The following TRMT11 variants were observed in gnomAD, a reference collection of about 807,000 sequenced individuals.
The protein encoded by TRMT11 is tRNA methyltransferase 11.
In TRMT11, 53 loss-of-function variants were observed where a neutral mutation model predicts 62.8. The observed-to-expected ratio is 0.84, with a 90% CI of 0.68 to 1.06. The LOEUF (loss-of-function observed/expected upper bound fraction) is 1.06. Ranked by LOEUF, TRMT11 falls within the 50% of genes least tolerant of loss-of-function variation. TRMT11 has a pLI of 0.00. For missense variants in TRMT11, 556 were observed against 553.4 expected (o/e 1.00, Z -0.05); for synonymous variants, 188 against 190.3 (o/e 0.99, Z 0.10).
rs899836773 is a variant in TRMT11 at position 126,001,617 on chromosome 6, AT to A, written c.679+2012del. On this transcript the variant is annotated intron_variant, in intron 7 of 12. Coordinates refer to ENST00000334379, the MANE Select transcript of TRMT11 (RefSeq NM_001031712.3). The stretch of plus-strand genomic sequence containing the variant: ...ATTACTGGTGGTTTTATTTTATTTT[AT>A]TTTTTTTCTTGCTATTAAGCAATCT... 9.3e-5 allele frequency among the ~76,000 whole-genome samples: 14 copies of A among 150,948 alleles called. No individual in the cohort carries two copies. The East Asian group carries it at 1.2e-3, about 13-fold the overall frequency.
upstream of TRMT11, among the ~76,000 whole-genome samples, chr6:126,175,884 G>T (rs1562341113): frequency 6.6e-6 from 1 of 152,154 alleles, no homozygotes; most frequent in Non-Finnish European, 1.5e-5. Flanking sequence ...CCCTGAAAAT[G>T]ATTTAACTAT....
At position 126,165,895 on chromosome 6, in the gene TRMT11, T is replaced by C. The variant is rs141896286; in HGVS notation, c.*1824-8930T>C. On this transcript the variant is annotated intron_variant and NMD_transcript_variant, in intron 21 of 22. Coordinates refer to the TRMT11 transcript ENST00000648977. ...AGTGTGTTTTCCAAGTTGGTTCCTT[T>C]CTCCCTGTCATTTTGAGGTACATCA... 6.4e-3 allele frequency among the ~76,000 whole-genome samples: 976 copies of C among 152,326 alleles called. 2 individuals carry two copies. The highest frequency in any genetic ancestry group is 0.01 in the Non-Finnish European group (704 of 68,030).
intron 3 of TRMT11, among the ~76,000 whole-genome samples, chr6:125,996,935 G>A (rs1170026712): frequency 6.6e-6 from 1 of 152,036 alleles, no homozygotes; most frequent in Non-Finnish European, 1.5e-5. Context: ...TTACAGTGAA[G>A]GTCGTTAACA....
intron 21 of TRMT11, among the ~76,000 whole-genome samples, chr6:126,170,884 A>G (rs1368295507): frequency 3.3e-5 from 5 of 152,224 alleles, no homozygotes; most frequent in Admixed American, 1.3e-4. Flanking sequence ...TACAAGGCAC[A>G]GTAGAATAAC....
chr6:126,238,310 C>A, the TRMT11 span, among the ~76,000 whole-genome samples: 1 of 152,068 alleles, frequency 6.6e-6, no homozygotes, highest in Non-Finnish European at 1.5e-5. Context: ...GTTAGGGTGT[C>A]AATTTTAGAT....
intron 1 of TRMT11, among the ~76,000 whole-genome samples, chr6:125,991,261 A>T (rs997995555): frequency 4.1e-4 from 62 of 149,630 alleles, no homozygotes; most frequent in Non-Finnish European, 5.8e-4. Flanking sequence ...AAAAAAAAAA[A>T]TTTTTTTTGG....
intron 21 of TRMT11, among the ~76,000 whole-genome samples, chr6:126,164,691 G>A (rs1365458866): frequency 6.6e-6 from 1 of 152,182 alleles, no homozygotes; most frequent in Non-Finnish European, 1.5e-5. Flanking sequence ...AGGATAGTTA[G>A]TTCTTCTTGT....
chr6:126,059,369 T>A (rs1562310370), intron 17 of TRMT11, among the ~76,000 whole-genome samples: 1 of 152,134 alleles, frequency 6.6e-6, no homozygotes, highest in Non-Finnish European at 1.5e-5. Flanking sequence ...TTCAGGGTGA[T>A]CCTCCTTACT....
downstream of TRMT11, among the ~76,000 whole-genome samples, chr6:126,203,919 T>TTGTGTGTGTGTGTGTGTG (rs71680476): frequency 6.9e-6 from 1 of 144,386 alleles, no homozygotes; most frequent in Non-Finnish European, 1.5e-5. Flanking sequence ...GATCATCATT[T>TTGTGTGTGTGTGTGTGTG]TGTGTGTGTG....
chr6:126,028,501 C>T (rs950866627), intron 12 of TRMT11, among the ~76,000 whole-genome samples: 2 of 152,126 alleles, frequency 1.3e-5, no homozygotes, highest in Non-Finnish European at 2.9e-5. Flanking sequence ...TTAAAAAAGA[C>T]TCGGAGAAGC....
the TRMT11 span, among the ~76,000 whole-genome samples, chr6:126,231,394 A>G: frequency 1.5e-4 from 23 of 152,340 alleles, no homozygotes; most frequent in African/African-American, 4.6e-4. Context: ...ACCATGTAGC[A>G]TTTTTAGTAT....
intron 21 of TRMT11, among the ~76,000 whole-genome samples, chr6:126,168,968 A>G (rs1205465189): frequency 6.6e-6 from 1 of 152,238 alleles, no homozygotes; most frequent in Non-Finnish European, 1.5e-5. Context: ...ACGAAAATGC[A>G]GGATCTAAAA....
chr6:126,033,180 A>G (rs946849094), intron 12 of TRMT11, among the ~76,000 whole-genome samples: 7 of 152,300 alleles, frequency 4.6e-5, no homozygotes, highest in Admixed American at 3.3e-4. Flanking sequence ...GGAATTCTCA[A>G]TGAAGAATCT....
chr6:126,128,171 G>A (rs1777739592), intron 21 of TRMT11, among the ~76,000 whole-genome samples: 1 of 152,016 alleles, frequency 6.6e-6, no homozygotes, highest in Admixed American at 6.6e-5. Flanking sequence ...AATACATGTG[G>A]CTGCTTTTTT....
chr6:126,143,123 C>T (rs1777937511), intron 21 of TRMT11, among the ~76,000 whole-genome samples: 1 of 152,070 alleles, frequency 6.6e-6, no homozygotes, highest in Non-Finnish European at 1.5e-5. Flanking sequence ...ATTTCCTTGT[C>T]ATGTTTCACC....
chr6:126,268,609 G>A, the TRMT11 span, among the ~76,000 whole-genome samples: 1 of 152,110 alleles, frequency 6.6e-6, no homozygotes, highest in Non-Finnish European at 1.5e-5. Context: ...TGAGACTTGA[G>A]CCTCTTTCTT....
the TRMT11 span, among the ~76,000 whole-genome samples, chr6:126,243,499 G>A: frequency 3.9e-5 from 6 of 152,022 alleles, no homozygotes; most frequent in Admixed American, 6.6e-5. Flanking sequence ...TGTTTATTGC[G>A]GCACTATTCA....
intron 17 of TRMT11, among the ~76,000 whole-genome samples, chr6:126,084,905 G>T (rs1173407215): frequency 2.0e-5 from 3 of 152,154 alleles, no homozygotes. Context: ...GAGAGTAGAA[G>T]GGTGGTTACC....
intron 12 of TRMT11, among the ~76,000 whole-genome samples, chr6:126,028,364 C>T (rs1040800571): frequency 2.0e-5 from 3 of 152,034 alleles, no homozygotes; most frequent in Non-Finnish European, 4.4e-5. Context: ...TCATACAATC[C>T]AGTATTTATC....
Sources: allele counts gnomAD v4.1 joint callset (sites outside exome capture counted in the v4.1 genomes callset), GRCh38; gene constraint gnomAD v4.1.1; transcripts MANE v1.5; gene names NCBI Gene and HGNC (gene_info 2026-07-23, HGNC 2026-07-21).